ZBTB20: variants seen among roughly 807,000 people sequenced by gnomAD.
The protein encoded by ZBTB20 is zinc finger and BTB domain containing 20, also known as zinc finger and BTB domain-containing protein 20.
Under a neutral mutation model 56.9 loss-of-function variants are expected in ZBTB20, and 9 were observed. The ratio of observed to expected loss-of-function variants is 0.16; its 90% confidence interval spans 0.10 to 0.28. The LOEUF is 0.28. ZBTB20 is among the 10% of genes least tolerant of loss of function. The pLI, the probability that ZBTB20 is intolerant of heterozygous loss-of-function variation, is 1.00. For synonymous variants in ZBTB20, 417 were observed against 420.7 expected (o/e 0.99, Z 0.11); for missense variants, 655 against 1,003.0 (o/e 0.65, Z 4.69).
intron 7 of ZBTB20, among the ~76,000 whole-genome samples, chr3:114,452,086 AG>A (rs368068301): frequency 1.3e-5 from 2 of 151,988 alleles, no homozygotes; most frequent in East Asian, 1.9e-4. Flanking sequence ...AAGAAAAAAA[AG>A]GGGGGGTACC....
chr3:115,045,181 G>A (rs895753222), intron 2 of ZBTB20, among the ~76,000 whole-genome samples: 12 of 152,020 alleles, frequency 7.9e-5, no homozygotes, highest in East Asian at 3.9e-4. Flanking sequence ...ATAATAACTC[G>A]TGAATCCCAT....
chr3:114,341,835 C>T lies in ZBTB20; in HGVS notation c.1805-2409G>A, dbSNP rs532709612. On this transcript the variant is annotated intron_variant, in intron 11 of 11. Transcript: ENST00000675478. Reference sequence around the variant, plus strand: ...TTTGTGGATTTAGTGGTCCTGAGTCCGTGGTGGACTGCAACCCCTGAGGAC... The same window carrying T: ...TTTGTGGATTTAGTGGTCCTGAGTCTGTGGTGGACTGCAACCCCTGAGGAC... Among the ~76,000 whole-genome samples, 18 of 152,284 alleles carry T rather than the reference C, an allele frequency of 1.2e-4. 2 individuals carry two copies. In the South Asian group the frequency reaches 3.3e-3, roughly 28 times the overall value.
At chr3:114,480,803 T>A (rs9873460) in intron 7 of ZBTB20, among the ~76,000 whole-genome samples, 2 of 151,688 alleles carry the variant, frequency 1.3e-5, no homozygotes, top group Non-Finnish European at 2.9e-5. Flanking sequence ...GGATGGTAAG[T>A]CATCGGAAGG....
chr3:114,505,185 C>T (rs1480218481), intron 6 of ZBTB20, among the ~76,000 whole-genome samples: 1 of 152,170 alleles, frequency 6.6e-6, no homozygotes, highest in Non-Finnish European at 1.5e-5. Context: ...GGTCGTCAGA[C>T]TCTCATTCCT....
intron 4 of ZBTB20, among the ~76,000 whole-genome samples, chr3:114,833,002 C>A (rs1248069932): frequency 6.6e-6 from 1 of 152,024 alleles, no homozygotes; most frequent in Non-Finnish European, 1.5e-5. Context: ...CAGCTTGATG[C>A]TGAAGTAAAG....
At chr3:114,706,831 G>T (rs1462838500) in intron 5 of ZBTB20, among the ~76,000 whole-genome samples, 1 of 152,046 alleles carries the variant, frequency 6.6e-6, no homozygotes, top group Non-Finnish European at 1.5e-5. Context: ...GGTTAGAGGG[G>T]TGGGGTGAAG....
intron 2 of ZBTB20, among the ~76,000 whole-genome samples, chr3:115,001,597 T>C (rs1265566911): frequency 1.3e-5 from 2 of 151,090 alleles, no homozygotes; most frequent in Non-Finnish European, 3.0e-5. Context: ...TCTCAATATA[T>C]TACCAATTAA....
chr3:115,046,776 G>A (rs928638480), intron 2 of ZBTB20, among the ~76,000 whole-genome samples: 7 of 152,160 alleles, frequency 4.6e-5, no homozygotes, highest in East Asian at 1.9e-4. Flanking sequence ...TCTCCATACC[G>A]TCACAATGAC....
intron 5 of ZBTB20, chr3:114,759,398 T>C (rs112674499): frequency 6.6e-6 from 1 of 152,148 alleles, no homozygotes; most frequent in African/African-American, 2.4e-5. Flanking sequence ...GACATCTCAG[T>C]TGAATTACCA....
intron 3 of ZBTB20, among the ~76,000 whole-genome samples, chr3:114,973,924 C>T (rs753941581): frequency 2.0e-5 from 3 of 151,960 alleles, no homozygotes; most frequent in Non-Finnish European, 2.9e-5. Flanking sequence ...TTTCAATGTC[C>T]CCAACAAATA....
chr3:114,723,370 TG>T (rs1560171419), intron 5 of ZBTB20, among the ~76,000 whole-genome samples: 1 of 152,242 alleles, frequency 6.6e-6, no homozygotes, highest in African/African-American at 2.4e-5. Flanking sequence ...TATGAATATT[TG>T]GATGGCCCAA....
intron 5 of ZBTB20, among the ~76,000 whole-genome samples, chr3:114,796,325 A>G (rs965532953): frequency 1.3e-5 from 2 of 152,028 alleles, no homozygotes; most frequent in Non-Finnish European, 2.9e-5. Flanking sequence ...GGTGAGTAAG[A>G]GAACTCGGCC....
intron 6 of ZBTB20, among the ~76,000 whole-genome samples, chr3:114,684,923 A>C (rs551081316): frequency 7.0e-4 from 107 of 152,308 alleles, no homozygotes; most frequent in African/African-American, 2.3e-3. Context: ...TTTAGGCTCT[A>C]TCAGTGAGTT....
chr3:114,834,593 T>A (rs2074024949), intron 4 of ZBTB20, among the ~76,000 whole-genome samples: 1 of 152,210 alleles, frequency 6.6e-6, no homozygotes, highest in Non-Finnish European at 1.5e-5. Flanking sequence ...TATTTTAGGC[T>A]GTTCTTTTTT....
intron 2 of ZBTB20, among the ~76,000 whole-genome samples, chr3:115,069,942 G>C (rs914134929): frequency 2.0e-5 from 3 of 151,750 alleles, no homozygotes; most frequent in African/African-American, 7.3e-5. Context: ...TGAATAAATT[G>C]ATTTTAACAT....
At chr3:114,500,964 A>T (rs1164288366) in intron 6 of ZBTB20, among the ~76,000 whole-genome samples, 1 of 152,212 alleles carries the variant, frequency 6.6e-6, no homozygotes, top group Non-Finnish European at 1.5e-5. Context: ...ATTTTAGCTA[A>T]TTTTGACAAA....
intron 1 of ZBTB20, among the ~76,000 whole-genome samples, chr3:115,127,407 T>A (rs1260343009): frequency 6.6e-6 from 1 of 152,060 alleles, no homozygotes; most frequent in Admixed American, 6.5e-5. Context: ...CTGACCAACA[T>A]GACGAAACCA....
In ZBTB20 at chr3:114,892,353, T is replaced by A. The variant is rs545340471; in HGVS notation, c.-417+7951A>T. ...AATAAATTTGGTGCATTCATTTAAATGATTCTGCAAACCACAGGCTACCCA... is the reference window on the plus strand; with the variant it reads ...AATAAATTTGGTGCATTCATTTAAAAGATTCTGCAAACCACAGGCTACCCA... On this transcript the variant is annotated intron_variant, in intron 4 of 11. Coordinates refer to ENST00000675478, the MANE Select transcript of ZBTB20 (RefSeq NM_001348800.3). Among the ~76,000 whole-genome samples the A allele has an allele frequency of 1.6e-4, 24 of 152,330 alleles. No individual in the cohort carries two copies. The South Asian group carries it at 3.7e-3, about 24-fold the overall frequency.
rs146174540 is a variant in ZBTB20, at chr3:114,317,700, G to C, written c.*21305C>G. The C allele has an allele frequency of 3.9e-5, 6 of 152,254 alleles. No individual in the cohort carries two copies. The highest frequency in any genetic ancestry group is 1.4e-4 in the African/African-American group (6 of 41,538). 9.4% of individuals were successfully genotyped at this position (152,254 alleles called of 1,614,324 possible). ...TCCCCTATCACTTTTTAAAAAAATT[G>C]TAAAGAGGAAGAGGTTCATCTAACT... is the stretch of plus-strand genomic sequence containing the variant. On this transcript the variant is annotated 3_prime_UTR_variant, in exon 12 of 12. Coordinates refer to ENST00000675478, the MANE Select transcript of ZBTB20 (RefSeq NM_001348800.3).
Sources: allele counts gnomAD v4.1 joint callset (sites outside exome capture counted in the v4.1 genomes callset), GRCh38; gene constraint gnomAD v4.1.1; transcripts MANE v1.5; gene names NCBI Gene and HGNC (gene_info 2026-07-23, HGNC 2026-07-21).